The following TFAP2E variants were observed in gnomAD, a reference collection of about 807,000 sequenced individuals.
TFAP2E encodes transcription factor AP-2-epsilon.
TFAP2E carries 30 observed loss-of-function variants against 37.9 expected under a neutral mutation model. The ratio of observed to expected loss-of-function variants is 0.79; its 90% CI spans 0.59 to 1.07. The LOEUF is 1.07. Ranked by LOEUF, TFAP2E falls within the 50% of genes least tolerant of loss-of-function variation. The pLI is 0.00. For synonymous variants in TFAP2E, 318 were observed against 295.8 expected, an observed-to-expected ratio of 1.08 and a Z score of -0.77; for missense variants, 567 against 637.9, an observed-to-expected ratio of 0.89 and a Z score of 1.20.
In TFAP2E at chr1:35,590,476, G is replaced by C. The variant is rs1649625758; in HGVS notation, c.905-158G>C. ...CCTAATGGCCCCAAGGTGGGGCAAT[G>C]GAATGGGGGCTGGAGCTGGGCTGGG... On this transcript the variant is annotated intron_variant, in intron 5 of 6. Transcript: ENST00000373235. The surrounding 1 kb of genome is among the most constrained non-coding windows in gnomAD (Gnocchi z 6.2). Among the ~76,000 whole-genome samples, 1 of 152,098 alleles carries C rather than the reference G, an allele frequency of 6.6e-6. No individual in the cohort carries two copies. The highest frequency in any genetic ancestry group is 6.5e-5 in the Admixed American group (1 of 15,270).
At chr1:35,579,675 G>A (rs1052710028) in intron 3 of TFAP2E, among the ~76,000 whole-genome samples, 14 of 152,038 alleles carry the variant, frequency 9.2e-5, no homozygotes, top group African/African-American at 3.1e-4. Context: ...GATTACAGGC[G>A]TGAGCCACCA....
At position 35,588,538 on chromosome 1, in the gene TFAP2E, G is replaced by A. The variant is rs1649557687; in HGVS notation, c.771G>A (p.Gly257=). 1 of 1,588,132 alleles carries A rather than the reference G, an allele frequency of 6.3e-7. No individual in the cohort carries two copies. Among genetic ancestry groups the A allele is most frequent in the Non-Finnish European group, 8.6e-7 (1 of 1,165,428 alleles). The change falls in exon 4 of 7, where the codon GGG becomes GGA. Residue 257 remains glycine, a synonymous_variant. Coordinates refer to ENST00000373235, the MANE Select transcript of TFAP2E (RefSeq NM_178548.4). The surrounding 1 kb of genome is among the most constrained non-coding windows in gnomAD (Gnocchi z 5.1). Reference sequence around the variant, plus strand: ...AGTGCCTCAACGCCTCCCTCCTGGGGGGTGTCCTCCGCAGGTAGGAAGGCC... The same window carrying A: ...AGTGCCTCAACGCCTCCCTCCTGGGAGGTGTCCTCCGCAGGTAGGAAGGCC... ...PPECLNASLL[G]GVLRRAKSKN... is the part of the protein sequence containing the mutation.
At position 35,573,668 on chromosome 1, in the gene TFAP2E, TCCAAC is replaced by T; in HGVS notation, c.27+67_27+71del. ...ATCGGGGCGCCTGAGTGCTGGACTT[TCCAAC>T]CCTCCTGTCCCGCGCTAACGAAATC... On this transcript the variant is annotated intron_variant, in intron 1 of 6. Transcript: ENST00000373235. The surrounding 1 kb of genome is among the most constrained non-coding windows in gnomAD (Gnocchi z 5.9). The T allele has an allele frequency of 6.5e-7, 1 of 1,527,866 alleles. No individual in the cohort carries two copies. The highest frequency in any genetic ancestry group is 8.8e-7 in the Non-Finnish European group (1 of 1,137,832). 94.6% of individuals were successfully genotyped at this position (1,527,866 alleles called of 1,614,324 possible).
Position 35,577,884 on chromosome 1 carries a change from A to C in TFAP2E, c.562+2884A>C, listed in dbSNP as rs1378013766. 6.6e-6 allele frequency among the ~76,000 whole-genome samples: 1 copy of C among 152,098 alleles called. No homozygotes were observed. The highest frequency in any genetic ancestry group is 2.4e-5 in the African/African-American group (1 of 41,406). ...TGGCAGGGCTGAGGCCGACCCTAGG[A>C]GTATAAGGGAGCCCTCCATTTCCTG... On this transcript the variant is annotated intron_variant, in intron 3 of 6. Transcript: ENST00000373235. This position sits in a 1 kb window ranked among gnomAD's most constrained non-coding sequence, Gnocchi z 6.3.
In TFAP2E at chr1:35,575,013, C is replaced by CT. The variant is rs767760173; in HGVS notation, c.562+14dup. On this transcript the variant is annotated intron_variant, in intron 3 of 6. Coordinates refer to ENST00000373235, the MANE Select transcript of TFAP2E (RefSeq NM_178548.4). ...GTGATCAAGAAAGGTAAGGAATGGT[C>CT]TGTCAGGGCAGAGCCCGGCGAGATG... 3 of 1,613,868 alleles carry CT rather than the reference C, an allele frequency of 1.9e-6. No individual in the cohort carries two copies. In the South Asian group the frequency reaches 3.3e-5, roughly 18 times the overall value.
Position 35,594,611 on chromosome 1 carries a change from AGCAGTGTGG to A in TFAP2E, c.1271_1279del (p.Val424_Ser426del), listed in dbSNP as rs928561242. On this transcript the variant is annotated inframe_deletion, in exon 7 of 7. Coordinates refer to ENST00000373235, the MANE Select transcript of TFAP2E (RefSeq NM_178548.4). Reference sequence around the variant, plus strand: ...CAAGGGGCTGGACAAGATGTTTCTAAGCAGTGTGGGCAGTGGGCATGGTGAAACCAAGGC... The same window carrying A: ...CAAGGGGCTGGACAAGATGTTTCTAAGCAGTGGGCATGGTGAAACCAAGGC... 1 of 1,614,220 alleles carries A rather than the reference AGCAGTGTGG, an allele frequency of 6.2e-7. No individual in the cohort carries two copies. The highest frequency in any genetic ancestry group is 1.3e-5 in the African/African-American group (1 of 75,060).
At position 35,574,366 on chromosome 1, in the gene TFAP2E, G is replaced by A; in HGVS notation, c.467G>A (p.Gly156Asp). 6.9e-7 allele frequency: 1 copy of A among 1,443,080 alleles called. No homozygotes were observed. The highest frequency in any genetic ancestry group is 9.0e-7 in the Non-Finnish European group (1 of 1,111,378). 89.4% of individuals were successfully genotyped at this position (1,443,080 alleles called of 1,614,324 possible). ...CACGGCCTGGCAGACGCACCTCTCG[G>A]CCTTCCGGGGCTGGCGGCGGCCCCC... ...GAHGLADAPLGLPGLAAAPGL... is the reference protein window; with the variant it reads ...GAHGLADAPLDLPGLAAAPGL... The change falls in exon 2 of 7, where the codon GGC becomes GAC. Residue 156 changes from glycine (G) to aspartate (D), a missense_variant. Physicochemically the swap from Gly to Asp is moderately conservative, Grantham distance 94. Transcript: ENST00000373235.
chr1:35,575,487 G>A (rs530065860), intron 3 of TFAP2E, among the ~76,000 whole-genome samples: 51 of 152,316 alleles, frequency 3.3e-4, no homozygotes, highest in Non-Finnish European at 2.5e-4. Context: ...AGTCTCTTGC[G>A]GCATTTAGAC....
chr1:35,577,481 C>CCCG lies in TFAP2E; in HGVS notation c.562+2484_562+2486dup, dbSNP rs1194937788. 1 of 456,442 alleles carries CCCG rather than the reference C, an allele frequency of 2.2e-6. No homozygotes were observed. The highest frequency in any genetic ancestry group is 2.3e-5 in the Admixed American group (1 of 42,570). 28.3% of individuals were successfully genotyped at this position (456,442 alleles called of 1,614,324 possible). On this transcript the variant is annotated intron_variant, in intron 3 of 6. Coordinates refer to ENST00000373235, the MANE Select transcript of TFAP2E (RefSeq NM_178548.4). The surrounding 1 kb of genome is among the most constrained non-coding windows in gnomAD (Gnocchi z 6.3). ...CGCCGAGTGCGGTACTGGAGCCTGCCCCGCCAGGGCCCTGGAATCAGAGAA... is the reference window on the plus strand; with the variant it reads ...CGCCGAGTGCGGTACTGGAGCCTGCCCCGCCGCCAGGGCCCTGGAATCAGAGAA...
chr1:35,577,486 CA>C lies in TFAP2E; in HGVS notation c.562+2487del, dbSNP rs1437126980. ...AGTGCGGTACTGGAGCCTGCCCCGCCAGGGCCCTGGAATCAGAGAAAGTCGC... is the reference window on the plus strand; with the variant it reads ...AGTGCGGTACTGGAGCCTGCCCCGCCGGGCCCTGGAATCAGAGAAAGTCGC... On this transcript the variant is annotated intron_variant, in intron 3 of 6. Transcript: ENST00000373235. The surrounding 1 kb of genome is among the most constrained non-coding windows in gnomAD (Gnocchi z 6.3). 1 of 456,306 alleles carries C rather than the reference CA, an allele frequency of 2.2e-6. No homozygotes were observed. Among genetic ancestry groups the C allele is most frequent in the African/African-American group, 2.0e-5 (1 of 50,090 alleles). The allele number at this position is 456,306 out of a possible 1,614,324, so 28.3% of individuals were successfully genotyped here. A position where few individuals can be genotyped will look rare whatever the true frequency, so the allele number is the denominator to read the frequency against.
At position 35,581,760 on chromosome 1, in the gene TFAP2E, C is replaced by T. The variant is rs1280198445; in HGVS notation, c.563-6570C>T. 3.3e-5 allele frequency among the ~76,000 whole-genome samples: 5 copies of T among 151,370 alleles called. 1 individual carries two copies. Among genetic ancestry groups the T allele is most frequent in the African/African-American group, 1.2e-4 (5 of 41,148 alleles). The stretch of plus-strand genomic sequence containing the variant: ...GCTAATTTTGTTTTTTTAGTAGAGA[C>T]GGGGTTTCTCCATGTTAGTCAGGCT... On this transcript the variant is annotated intron_variant, in intron 3 of 6. Coordinates refer to ENST00000373235, the MANE Select transcript of TFAP2E (RefSeq NM_178548.4).
chr1:35,594,418 C>T lies in TFAP2E; in HGVS notation c.1071C>T (p.Asp357=), dbSNP rs775183855. ...GGCAGATCTGCAAGGAGTTTGCAGACTTGATGGCTCAGGACCGCTCACCGC... is the reference window on the plus strand; with the variant it reads ...GGCAGATCTGCAAGGAGTTTGCAGATTTGATGGCTCAGGACCGCTCACCGC... ...AAKQICKEFA[D]LMAQDRSPLG... The change falls in exon 7 of 7, where the codon GAC becomes GAT. Residue 357 remains aspartate, a synonymous_variant. Coordinates refer to ENST00000373235, the MANE Select transcript of TFAP2E (RefSeq NM_178548.4). 1.2e-6 allele frequency: 2 copies of T among 1,613,826 alleles called. No individual in the cohort carries two copies. The highest frequency in any genetic ancestry group is 1.7e-6 in the Non-Finnish European group (2 of 1,179,984).
chr1:35,593,321 A>T (rs1047724656), intron 6 of TFAP2E, among the ~76,000 whole-genome samples: 2 of 152,158 alleles, frequency 1.3e-5, no homozygotes, highest in African/African-American at 2.4e-5. Context: ...TCTCGGAAAA[A>T]AAAGAAAAGA....
intron 3 of TFAP2E, among the ~76,000 whole-genome samples, chr1:35,580,808 C>T (rs1649331330): frequency 1.3e-5 from 2 of 151,972 alleles, no homozygotes; most frequent in Non-Finnish European, 2.9e-5. Context: ...GGGCACCACC[C>T]CACATTGACT....
rs1048182392 is a variant in TFAP2E at position 35,577,346 on chromosome 1, G to C, written c.562+2346G>C. 2.8e-5 allele frequency: 13 copies of C among 456,618 alleles called. No individual in the cohort carries two copies. Among genetic ancestry groups the C allele is most frequent in the African/African-American group, 2.6e-4 (13 of 50,102 alleles). The allele number at this position is 456,618 out of a possible 1,614,324, so 28.3% of individuals were successfully genotyped here. On this transcript the variant is annotated intron_variant, in intron 3 of 6. Coordinates refer to ENST00000373235, the MANE Select transcript of TFAP2E (RefSeq NM_178548.4). The surrounding 1 kb of genome is among the most constrained non-coding windows in gnomAD (Gnocchi z 6.3). ...CCTTGGCCCTCCGCGGTCACTGCGG[G>C]ATTCGGCGTTGCCGCCAGCCCAGTG...
Position 35,573,885 on chromosome 1 carries a change from A to T in TFAP2E, c.28-42A>T. ...GATCCTTTCAGGCTGGGGTCCTTTC[A>T]GCTGCCAGTGGGTCACCTAAGGCAC... On this transcript the variant is annotated intron_variant, in intron 1 of 6. Transcript: ENST00000373235. The surrounding 1 kb of genome is among the most constrained non-coding windows in gnomAD (Gnocchi z 5.9). The T allele has an allele frequency of 2.1e-6, 3 of 1,432,088 alleles. No homozygotes were observed. Among genetic ancestry groups the T allele is most frequent in the Non-Finnish European group, 2.7e-6 (3 of 1,103,444 alleles). The allele number at this position is 1,432,088 out of a possible 1,614,324, so 88.7% of individuals were successfully genotyped here. A position where few individuals can be genotyped will look rare whatever the true frequency, so the allele number is the denominator to read the frequency against.
chr1:35,579,552 G>A (rs150119034), intron 3 of TFAP2E, among the ~76,000 whole-genome samples: 6,683 of 151,804 alleles, frequency 0.044, 294 homozygotes, highest in African/African-American at 0.12. Context: ...CTGTCACCAC[G>A]CCCAGCTAAT....
In TFAP2E at chr1:35,590,281, G is replaced by GATGTGT. The variant is rs140934340; in HGVS notation, c.904+239_904+244dup. On this transcript the variant is annotated intron_variant, in intron 5 of 6. Coordinates refer to ENST00000373235, the MANE Select transcript of TFAP2E (RefSeq NM_178548.4). This position sits in a 1 kb window ranked among gnomAD's most constrained non-coding sequence, Gnocchi z 6.2. Reference sequence around the variant, plus strand: ...AATGGAGACCTACTTGCAGTGTGCGGATGTGTATGTGGGTGTGGGTGTGGG... The same window carrying GATGTGT: ...AATGGAGACCTACTTGCAGTGTGCGGATGTGTATGTGTATGTGGGTGTGGGTGTGGG... 0.038 allele frequency among the ~76,000 whole-genome samples: 5,806 copies of GATGTGT among 152,128 alleles called. 340 individuals carry two copies. The highest frequency in any genetic ancestry group is 0.12 in the African/African-American group (4,804 of 41,440).
intron 6 of TFAP2E, among the ~76,000 whole-genome samples, chr1:35,593,375 A>G (rs577863158): frequency 2.6e-5 from 4 of 152,310 alleles, no homozygotes; most frequent in Middle Eastern, 3.4e-3. Flanking sequence ...CTAAAGTTCA[A>G]ACTCTTTTGA....
Sources: allele counts gnomAD v4.1 joint callset (sites outside exome capture counted in the v4.1 genomes callset), GRCh38; gene constraint gnomAD v4.1.1; non-coding constraint Gnocchi (gnomAD v3.1); transcripts MANE v1.5; gene names NCBI Gene and HGNC (gene_info 2026-07-23, HGNC 2026-07-21).